Variants in LAMA2 observed in about 807,000 individuals in gnomAD.
LAMA2 encodes the protein laminin subunit alpha-2.
LAMA2 carries 269 observed loss-of-function variants against 364.8 expected under a neutral mutation model. The ratio of observed to expected loss-of-function variants is 0.74; its 90% CI spans 0.67 to 0.82. The LOEUF (loss-of-function observed/expected upper bound fraction) is 0.82. LAMA2 is among the 40% of genes least tolerant of loss of function. The probability of loss-of-function intolerance (pLI) is 0.00; values close to 1 mark genes in which losing one functional copy is unlikely to be tolerated. For synonymous variants in LAMA2, 1,379 were observed against 1,370.6 expected, an observed-to-expected ratio of 1.01 and a Z score of -0.14; for missense variants, 3,807 against 3,873.2, an observed-to-expected ratio of 0.98 and a Z score of 0.45.
chr6:129,305,460 G>C (rs1773807239), intron 22 of LAMA2, among the ~76,000 whole-genome samples: 1 of 151,932 alleles, frequency 6.6e-6, no homozygotes, highest in Admixed American at 6.6e-5. Context: ...GAGTAGCTGG[G>C]ACTACAGGCG....
intron 12 of LAMA2, among the ~76,000 whole-genome samples, chr6:129,225,850 C>A (rs1241963150): frequency 6.6e-6 from 1 of 152,100 alleles, no homozygotes; most frequent in Non-Finnish European, 1.5e-5. Context: ...TCTATTAGGT[C>A]CACTTGGTGC....
At chr6:129,484,259 T>C (rs1222918600) in intron 55 of LAMA2, among the ~76,000 whole-genome samples, 1 of 152,206 alleles carries the variant, frequency 6.6e-6, no homozygotes, top group Non-Finnish European at 1.5e-5. Context: ...CTGGTTGTTA[T>C]AGTATTAGAA....
At chr6:129,460,471 G>A in intron 49 of LAMA2, 147 bp downstream of exon 49, 2 of 851,242 alleles carry the variant, frequency 2.3e-6, no homozygotes, top group Non-Finnish European at 3.9e-6. Flanking sequence ...CAAAACTAAT[G>A]AATCTTCAAG....
intron 1 of LAMA2, among the ~76,000 whole-genome samples, chr6:128,994,578 A>ATT (rs1783809280): frequency 1.3e-5 from 2 of 152,158 alleles, no homozygotes; most frequent in Admixed American, 1.3e-4. Flanking sequence ...GTTCTACTGT[A>ATT]TTTTTTATCA....
At chr6:129,417,405 C>T (rs1444437421) in intron 40 of LAMA2, among the ~76,000 whole-genome samples, 3 of 152,072 alleles carry the variant, frequency 2.0e-5, no homozygotes, top group South Asian at 2.1e-4. Context: ...TGTCTGCCCA[C>T]GTCTGGCTGA....
intron 9 of LAMA2, among the ~76,000 whole-genome samples, chr6:129,166,865 T>C (rs537312494): frequency 6.6e-6 from 1 of 152,294 alleles, no homozygotes; most frequent in South Asian, 2.1e-4. Flanking sequence ...CTATGAAAAC[T>C]TTCTCTGAAG....
At chr6:128,962,185 T>TATATACACACAC (rs1214826895) in intron 1 of LAMA2, among the ~76,000 whole-genome samples, 15 of 103,928 alleles carry the variant, frequency 1.4e-4, no homozygotes, top group African/African-American at 5.6e-4. Context: ...TATATATATA[T>TATATACACACAC]ACACACATAC....
chr6:129,316,054 A>G lies in LAMA2; in HGVS notation c.3941A>G (p.Tyr1314Cys), dbSNP rs758730539. The G allele has an allele frequency of 3.7e-6, 6 of 1,614,014 alleles. No individual in the cohort carries two copies. The highest frequency in any genetic ancestry group is 3.3e-5 in the Admixed American group (2 of 60,022). ...IEMTEKEWKY[Y>C]GDDPRVHRTV... ...TGTTAACAGAAAGAATGGAAATATTATGGGGATGATCCTCGAGTCCATAGA... is the reference window on the plus strand; with the variant it reads ...TGTTAACAGAAAGAATGGAAATATTGTGGGGATGATCCTCGAGTCCATAGA... Residue 1314 changes from tyrosine (Y) to cysteine (C), a missense_variant, in exon 27 of 65, where the codon TAT (tyrosine) becomes TGT (cysteine). Tyr to Cys is a radical substitution (Grantham distance 194). Transcript: ENST00000421865.
intron 1 of LAMA2, among the ~76,000 whole-genome samples, chr6:128,922,787 C>T (rs955048120): frequency 6.6e-6 from 1 of 152,264 alleles, no homozygotes; most frequent in African/African-American, 2.4e-5. Context: ...TTTGCCCATG[C>T]CTATGTCCTG....
chr6:129,208,669 G>A (rs570477468), intron 12 of LAMA2, among the ~76,000 whole-genome samples: 2,134 of 119,562 alleles, frequency 0.018, 32 homozygotes, highest in Middle Eastern at 0.041. Context: ...GAGAAAGAAA[G>A]AGAAAGAGAA....
intron 2 of LAMA2, among the ~76,000 whole-genome samples, chr6:129,053,764 C>G (rs1788262571): frequency 6.6e-6 from 1 of 152,086 alleles, no homozygotes; most frequent in Non-Finnish European, 1.5e-5. Flanking sequence ...AAGAGGCACA[C>G]TGAAGAGGTA....
intron 1 of LAMA2, among the ~76,000 whole-genome samples, chr6:128,989,130 A>G (rs1030196246): frequency 9.9e-5 from 15 of 152,190 alleles, no homozygotes; most frequent in African/African-American, 3.1e-4. Flanking sequence ...TGATACTTTA[A>G]TTTTTAAAAT....
intron 63 of LAMA2, among the ~76,000 whole-genome samples, chr6:129,512,774 T>C (rs900207013): frequency 7.2e-5 from 11 of 152,176 alleles, no homozygotes; most frequent in Non-Finnish European, 1.3e-4. Context: ...TCTTACTGTG[T>C]TGCTATAAAC....
At chr6:129,107,922 C>G (rs1384074740) in intron 4 of LAMA2, among the ~76,000 whole-genome samples, 1 of 152,156 alleles carries the variant, frequency 6.6e-6, no homozygotes, top group Admixed American at 6.5e-5. Flanking sequence ...GTCCCCCCTC[C>G]TAGCAGTTCC....
In LAMA2 at chr6:128,883,169, C is replaced by T; in HGVS notation, c.-77C>T. 6 of 1,412,532 alleles carry T rather than the reference C, an allele frequency of 4.2e-6. No individual in the cohort carries two copies. Among genetic ancestry groups the T allele is most frequent in the Middle Eastern group, 2.1e-4 (1 of 4,844 alleles). 87.5% of individuals were successfully genotyped at this position (1,412,532 alleles called of 1,614,324 possible). A position where few individuals can be genotyped will look rare whatever the true frequency, so the allele number is the denominator to read the frequency against. On this transcript the variant is annotated 5_prime_UTR_variant, in exon 1 of 65. Transcript: ENST00000421865. ...CCCAGCAGCTGCTGCTCGCTCAGCT[C>T]ACAAGCCAAGGCCAGGGGACAGGGC...
intron 43 of LAMA2, 111 bp from the exon 44 acceptor site, chr6:129,442,952 C>T: frequency 1.4e-6 from 1 of 729,822 alleles, no homozygotes; most frequent in South Asian, 1.8e-5. Flanking sequence ...TAATTAGTAC[C>T]TGTTATGAAA....
At chr6:128,924,103 C>G (rs576447958) in intron 1 of LAMA2, among the ~76,000 whole-genome samples, 23 of 152,204 alleles carry the variant, frequency 1.5e-4, no homozygotes, top group Middle Eastern at 3.4e-3. Flanking sequence ...AAGAAATATC[C>G]TCCTAAATCT....
rs575405390 is a variant in LAMA2, at chr6:129,314,712, G to A, written c.3469G>A (p.Ala1157Thr). The A allele has an allele frequency of 1.2e-6, 2 of 1,613,926 alleles. No homozygotes were observed. Among genetic ancestry groups the A allele is most frequent in the East Asian group, 2.2e-5 (1 of 44,868 alleles). Residue 1157 changes from alanine (A) to threonine (T), a missense_variant, in exon 24 of 65, where the codon GCC becomes ACC. Coordinates refer to ENST00000421865, the MANE Select transcript of LAMA2 (RefSeq NM_000426.4). ...CCGGCCTGGCAAATTCGGACTCGAT[G>A]CCAAGAATCCACTTGGCTGCAGCAG... ...RCRPGKFGLD[A>T]KNPLGCSSCY... is the part of the protein sequence containing the mutation.
At chr6:129,193,257 TACTC>T (rs1427845569) in intron 12 of LAMA2, among the ~76,000 whole-genome samples, 1 of 152,234 alleles carries the variant, frequency 6.6e-6, no homozygotes, top group Non-Finnish European at 1.5e-5. Context: ...TCAAAACTGA[TACTC>T]AGGAGATTTA....
Sources: allele counts gnomAD v4.1 joint callset (sites outside exome capture counted in the v4.1 genomes callset), GRCh38; gene constraint gnomAD v4.1.1; transcripts MANE v1.5; gene names NCBI Gene and HGNC (gene_info 2026-07-23, HGNC 2026-07-21).